The following RETNLB variants were observed in gnomAD, a reference collection of about 807,000 sequenced individuals.
The protein encoded by RETNLB is resistin like beta.
In RETNLB, 11 loss-of-function variants were observed where a neutral mutation model predicts 6.8. The ratio of observed to expected loss-of-function variants is 1.62; its 90% CI spans 1.02 to 2.68. RETNLB has a LOEUF of 2.68. RETNLB is among the 30% of genes most tolerant of loss of function. The pLI is 0.00. For synonymous variants in RETNLB, 57 were observed against 54.2 expected (o/e 1.05, Z -0.23); for missense variants, 146 against 135.7 (o/e 1.08, Z -0.38).
In RETNLB at chr3:108,757,118, G is replaced by C. The variant is rs770985043; in HGVS notation, c.68C>G (p.Thr23Ser). 8 of 1,613,646 alleles carry C rather than the reference G, an allele frequency of 5.0e-6. No individual in the cohort carries two copies. The Admixed American group carries it at 6.7e-5, about 13-fold the overall frequency. ...PLLQLINPGS[T>S]QCSLDSVMDK... is the part of the protein sequence containing the mutation. ...CATAACGGAGTCTAAGGAACACTGA[G>C]TACTCCCCGGGTTGATCAGCTGGAG... Residue 23 changes from threonine to serine, a missense_variant, in exon 1 of 3, where the codon ACT becomes AGT. Transcript: ENST00000295755.
At position 108,756,905 on chromosome 3, in the gene RETNLB, A is replaced by C. The variant is rs1945253982; in HGVS notation, c.127+154T>G. 2.0e-5 allele frequency: 17 copies of C among 849,740 alleles called. 1 individual carries two copies. The East Asian group carries it at 3.3e-4, about 16-fold the overall frequency. The allele number at this position is 849,740 out of a possible 1,614,324, so 52.6% of individuals were successfully genotyped here. A position where few individuals can be genotyped will look rare whatever the true frequency, so the allele number is the denominator to read the frequency against. On this transcript the variant is annotated intron_variant, in intron 1 of 2. Coordinates refer to ENST00000295755, the MANE Select transcript of RETNLB (RefSeq NM_032579.3). ...ATCAGGAAAACCTCAGCTTTTAGCC[A>C]AGACTTCAAACACGGGTAGGGTAGT...
intron 1 of RETNLB, 80 bp downstream of exon 1, chr3:108,756,979 G>A: frequency 2.0e-6 from 3 of 1,513,096 alleles, no homozygotes; most frequent in East Asian, 4.6e-5. Flanking sequence ...CTTGGGATGG[G>A]ATAGAGACAA....
In RETNLB at chr3:108,757,399, GAGA is replaced by G. The variant is rs935801122; in HGVS notation, c.-217_-215del. ...ACAGATTTATTCACCAAAACATTCA[GAGA>G]AGGTCTACAAGGACTAGCCAGGCAA... On this transcript the variant is annotated 5_prime_UTR_variant, in exon 1 of 3. Transcript: ENST00000295755. 1.1e-5 allele frequency: 5 copies of G among 438,696 alleles called. No individual in the cohort carries two copies. Among genetic ancestry groups the G allele is most frequent in the Non-Finnish European group, 2.0e-5 (5 of 250,574 alleles). 27.2% of individuals were successfully genotyped at this position (438,696 alleles called of 1,614,324 possible). A position where few individuals can be genotyped will look rare whatever the true frequency, so the allele number is the denominator to read the frequency against.
In RETNLB at chr3:108,755,816, C is replaced by A; in HGVS notation, c.298G>T (p.Val100Leu). 3 of 1,614,154 alleles carry A rather than the reference C, an allele frequency of 1.9e-6. No homozygotes were observed. The East Asian group carries it at 6.7e-5, about 36-fold the overall frequency. The change falls in exon 3 of 3, where the codon GTG (valine) becomes TTG (leucine). Residue 100 changes from valine (V) to leucine (L), a missense_variant. By Grantham distance (32) the Val-to-Leu change is conservative (BLOSUM62 1). Transcript: ENST00000295755. ...CAGCAGCGGGCAGTGGTCCAGTCCA[C>A]CACACTGCACTGGCAGTGGCAGGTG... ...ETTCHCQCSV[V>L]DWTTARCCHL...
chr3:108,756,051 T>G (rs1945247892), intron 2 of RETNLB, 146 bp from the exon 3 acceptor site: 1 of 813,330 alleles, frequency 1.2e-6, no homozygotes, highest in Non-Finnish European at 2.0e-6. Context: ...TGCGAGCTCA[T>G]TTCAAGAAAA....
rs534498575 is a variant in RETNLB at position 108,756,427 on chromosome 3, G to C, written c.208+81C>G. On this transcript the variant is annotated intron_variant, in intron 2 of 2. Coordinates refer to ENST00000295755, the MANE Select transcript of RETNLB (RefSeq NM_032579.3). ...CCAGGGTGATACAGACCTGACATGG[G>C]GGAAGACGTAGGTGCAGGGAGATGG... The C allele has an allele frequency of 9.9e-5, 95 of 961,754 alleles. No homozygotes were observed. In the African/African-American group the frequency reaches 1.4e-3, roughly 15 times the overall value. The allele number at this position is 961,754 out of a possible 1,614,324, so 59.6% of individuals were successfully genotyped here. A position where few individuals can be genotyped will look rare whatever the true frequency, so the allele number is the denominator to read the frequency against.
Position 108,757,363 on chromosome 3 carries a change from G to A in RETNLB, c.-178C>T, listed in dbSNP as rs372014189. The A allele has an allele frequency of 9.1e-5, 52 of 568,806 alleles. No individual in the cohort carries two copies. Among genetic ancestry groups the A allele is most frequent in the African/African-American group, 8.2e-4 (44 of 53,450 alleles). The allele number at this position is 568,806 out of a possible 1,614,324, so 35.2% of individuals were successfully genotyped here. A position where few individuals can be genotyped will look rare whatever the true frequency, so the allele number is the denominator to read the frequency against. On this transcript the variant is annotated 5_prime_UTR_variant, in exon 1 of 3. Transcript: ENST00000295755. ...TAGGCAGTTTGGAGAAGCAGGTAGGGTTGCTGAAGAACAGATTTATTCACC... is the reference window on the plus strand; with the variant it reads ...TAGGCAGTTTGGAGAAGCAGGTAGGATTGCTGAAGAACAGATTTATTCACC...
chr3:108,757,285 T>G lies in RETNLB; in HGVS notation c.-100A>C. 8 of 1,409,984 alleles carry G rather than the reference T, an allele frequency of 5.7e-6. No individual in the cohort carries two copies. The highest frequency in any genetic ancestry group is 1.4e-5 in the African/African-American group (1 of 70,452). 87.3% of individuals were successfully genotyped at this position (1,409,984 alleles called of 1,614,324 possible). A position where few individuals can be genotyped will look rare whatever the true frequency, so the allele number is the denominator to read the frequency against. On this transcript the variant is annotated 5_prime_UTR_variant, in exon 1 of 3. Transcript: ENST00000295755. ...GGTGAAGGAAAGAAGACAACGTGGT[T>G]AGTTTCCAGGGAGTAAAGATGGAAG...
chr3:108,757,084 C>T lies in RETNLB; in HGVS notation c.102G>A (p.Lys34=). 4 of 1,613,832 alleles carry T rather than the reference C, an allele frequency of 2.5e-6. No homozygotes were observed. Among genetic ancestry groups the T allele is most frequent in the Non-Finnish European group, 3.4e-6 (4 of 1,179,852 alleles). Residue 34 remains lysine (K), a synonymous_variant, in exon 1 of 3, where the codon AAG becomes AAA. Coordinates refer to ENST00000295755, the MANE Select transcript of RETNLB (RefSeq NM_032579.3). Reference sequence around the variant, plus strand: ...CTAGACTGTTGAGAACATCCTTGATCTTCTTATCCATAACGGAGTCTAAGG... The same window carrying T: ...CTAGACTGTTGAGAACATCCTTGATTTTCTTATCCATAACGGAGTCTAAGG... ...QCSLDSVMDK[K]IKDVLNSLEY...
At chr3:108,755,997 AG>A (rs1945247179) in intron 2 of RETNLB, 92 bp from the exon 3 acceptor site, 2 of 1,514,114 alleles carry the variant, frequency 1.3e-6, no homozygotes, top group Admixed American at 1.7e-5. Context: ...CTGTGCAGTC[AG>A]GGGTAGAGCT....
At position 108,756,533 on chromosome 3, in the gene RETNLB, T is replaced by C; in HGVS notation, c.183A>G (p.Gln61=). The change falls in exon 2 of 3, where the codon CAA becomes CAG. Residue 61 remains glutamine (Q), a synonymous_variant. Transcript: ENST00000295755. Reference sequence around the variant, plus strand: ...CAGCAGGGCAGGAGGACGGTCTGCCTTGGCTTTTGACACTAGCACACGAGA... The same window carrying C: ...CAGCAGGGCAGGAGGACGGTCTGCCCTGGCTTTTGACACTAGCACACGAGA... ...KKLSCASVKS[Q]GRPSSCPAGM... 1 of 1,613,234 alleles carries C rather than the reference T, an allele frequency of 6.2e-7. No homozygotes were observed.
intron 1 of RETNLB, 62 bp from the exon 2 acceptor site, chr3:108,756,650 C>T (rs1945252597): frequency 8.3e-7 from 1 of 1,199,106 alleles, no homozygotes; most frequent in Non-Finnish European, 1.2e-6. Context: ...CCCCTTATCC[C>T]CTTCCAAATT....
chr3:108,756,510 G>A lies in RETNLB; in HGVS notation c.206C>T (p.Ala69Val). The A allele has an allele frequency of 6.2e-7, 1 of 1,605,720 alleles. No homozygotes were observed. Among genetic ancestry groups the A allele is most frequent in the South Asian group, 1.1e-5 (1 of 90,906 alleles). Reference sequence around the variant, plus strand: ...TTCCCTCTCAGGGAGTTACTCACCAGCAGGGCAGGAGGACGGTCTGCCTTG... The same window carrying A: ...TTCCCTCTCAGGGAGTTACTCACCAACAGGGCAGGAGGACGGTCTGCCTTG... Reference protein sequence around the residue: ...KSQGRPSSCPAGMAVTGCACG... With the variant: ...KSQGRPSSCPVGMAVTGCACG... Residue 69 changes from alanine (A) to valine (V), a missense_variant and splice_region_variant, in exon 2 of 3, where the codon GCT becomes GTT. Coordinates refer to ENST00000295755, the MANE Select transcript of RETNLB (RefSeq NM_032579.3).
At chr3:108,756,112 T>C (rs947167680) in intron 2 of RETNLB, among the ~76,000 whole-genome samples, 1 of 152,196 alleles carries the variant, frequency 6.6e-6, no homozygotes, top group Admixed American at 6.5e-5. Context: ...AAGAGACTCA[T>C]GCAAGTGAGA....
Position 108,756,516 on chromosome 3 carries a change from C to A in RETNLB, c.200G>T (p.Cys67Phe), listed in dbSNP as rs771470052. 3 of 1,609,822 alleles carry A rather than the reference C, an allele frequency of 1.9e-6. No homozygotes were observed. Residue 67 changes from cysteine (C) to phenylalanine (F), a missense_variant, in exon 2 of 3, where the codon TGC becomes TTC. Transcript: ENST00000295755. ...CTCAGGGAGTTACTCACCAGCAGGGCAGGAGGACGGTCTGCCTTGGCTTTT... is the reference window on the plus strand; with the variant it reads ...CTCAGGGAGTTACTCACCAGCAGGGAAGGAGGACGGTCTGCCTTGGCTTTT... Reference protein sequence around the residue: ...SVKSQGRPSSCPAGMAVTGCA... With the variant: ...SVKSQGRPSSFPAGMAVTGCA...
intron 2 of RETNLB, 35 bp from the exon 3 acceptor site, chr3:108,755,940 C>T: frequency 6.2e-7 from 1 of 1,613,664 alleles, no homozygotes; most frequent in Non-Finnish European, 8.5e-7. Flanking sequence ...CATCAGAGCT[C>T]TTGGAATTTA....
At chr3:108,756,919 G>A (rs75047446) in intron 1 of RETNLB, 140 bp downstream of exon 1, 10,327 of 940,926 alleles carry the variant, frequency 0.011, 376 homozygotes, top group African/African-American at 0.093. Flanking sequence ...CTTCAAACAC[G>A]GGTAGGGTAG....
At chr3:108,757,034 C>A in intron 1 of RETNLB, 25 bp downstream of exon 1, 1 of 1,606,804 alleles carries the variant, frequency 6.2e-7, no homozygotes, top group Non-Finnish European at 8.5e-7. Flanking sequence ...GTCAACCCCC[C>A]GCTTCCCCTA....
At chr3:108,756,786 A>T in intron 1 of RETNLB, 198 bp from the exon 2 acceptor site, 1 of 599,332 alleles carries the variant, frequency 1.7e-6, no homozygotes, top group Non-Finnish European at 3.0e-6. Context: ...TGTGGGAATT[A>T]AATGAAATAA....
Sources: gnomAD v4.1 joint callset for allele counts (sites outside exome capture counted in the v4.1 genomes callset) on GRCh38, gnomAD v4.1.1 for gene constraint, MANE v1.5 for transcripts, NCBI Gene and HGNC (gene_info 2026-07-23, HGNC 2026-07-21) for gene names.